The following KMT2C variants were observed in gnomAD, a reference collection of about 807,000 sequenced individuals.
The protein encoded by KMT2C is histone-lysine N-methyltransferase 2C.
Under a neutral mutation model 507.9 loss-of-function variants are expected in KMT2C, and 88 were observed. The observed-to-expected ratio is 0.17, with a 90% CI of 0.15 to 0.21. The LOEUF is 0.21. Ranked by LOEUF, KMT2C falls within the 10% of genes least tolerant of loss-of-function variation. The pLI is 1.00. For missense variants in KMT2C, 4,954 were observed against 5,957.8 expected (o/e 0.83, Z 5.55); for synonymous variants, 2,049 against 2,080.8 (o/e 0.98, Z 0.42).
rs368321777 is a variant in KMT2C, at chr7:152,151,398, C to T, written c.12666+44G>A. ...GAAGAGACACTGCCAAGGACATTTT[C>T]GCTGGAGGTAGGAGGTGGGGTCATA... On this transcript the variant is annotated intron_variant, in intron 50 of 58. Coordinates refer to ENST00000262189, the MANE Select transcript of KMT2C (RefSeq NM_170606.3). The T allele has an allele frequency of 2.2e-4, 350 of 1,602,618 alleles. 1 individual carries two copies. Among genetic ancestry groups the T allele is most frequent in the African/African-American group, 1.5e-3 (114 of 74,752 alleles).
At chr7:152,353,736 C>G (rs1405828001) in intron 2 of KMT2C, among the ~76,000 whole-genome samples, 2 of 152,132 alleles carry the variant, frequency 1.3e-5, no homozygotes, top group Non-Finnish European at 2.9e-5. Context: ...TGAGCTCAAG[C>G]AATCCACCCA....
At chr7:152,205,686 T>C (rs1178268740) in intron 24 of KMT2C, among the ~76,000 whole-genome samples, 2 of 152,174 alleles carry the variant, frequency 1.3e-5, no homozygotes, top group East Asian at 1.9e-4. Context: ...TATAACACCG[T>C]AGCACAATTA....
At chr7:152,358,076 A>C (rs1279184984) in intron 2 of KMT2C, among the ~76,000 whole-genome samples, 1 of 152,202 alleles carries the variant, frequency 6.6e-6, no homozygotes, top group East Asian at 1.9e-4. Flanking sequence ...GCTTTGGGCA[A>C]CCAACTCTAG....
intron 26 of KMT2C, among the ~76,000 whole-genome samples, chr7:152,201,487 T>G (rs2094139209): frequency 6.6e-6 from 1 of 151,794 alleles, no homozygotes; most frequent in African/African-American, 2.4e-5. Flanking sequence ...TAAAGAAAGC[T>G]TCTTAAATTT....
At chr7:152,160,917 G>C (rs895681599) in intron 43 of KMT2C, among the ~76,000 whole-genome samples, 1 of 152,080 alleles carries the variant, frequency 6.6e-6, no homozygotes, top group African/African-American at 2.4e-5. Context: ...GAGATTGGGA[G>C]AGGTGAGAAA....
At chr7:152,353,192 A>C (rs181606414) in intron 2 of KMT2C, among the ~76,000 whole-genome samples, 1 of 152,036 alleles carries the variant, frequency 6.6e-6, no homozygotes, top group Non-Finnish European at 1.5e-5. Context: ...TGGGATGCCA[A>C]GGCAGGTGGA....
In KMT2C at chr7:152,428,776, G is replaced by A. The variant is rs541011401; in HGVS notation, c.161+6850C>T. On this transcript the variant is annotated intron_variant, in intron 1 of 58. Coordinates refer to ENST00000262189, the MANE Select transcript of KMT2C (RefSeq NM_170606.3). ...CATAAGGACTCCTAGACTTCCCCAAGGCTGTTATTATTTCCCATTTTCTCC... is the reference window on the plus strand; with the variant it reads ...CATAAGGACTCCTAGACTTCCCCAAAGCTGTTATTATTTCCCATTTTCTCC... Among the ~76,000 whole-genome samples the A allele has an allele frequency of 2.6e-5, 4 of 152,218 alleles. No homozygotes were observed. The South Asian group carries it at 8.3e-4, about 32-fold the overall frequency.
In KMT2C at chr7:152,163,242, C is replaced by A. The variant is rs1000200932; in HGVS notation, c.10335G>T (p.Arg3445Ser). The A allele has an allele frequency of 1.9e-6, 3 of 1,614,140 alleles. No homozygotes were observed. Among genetic ancestry groups the A allele is most frequent in the Middle Eastern group, 3.3e-4 (2 of 6,062 alleles). Residue 3445 changes from arginine to serine, a missense_variant, in exon 43 of 59, where the codon AGG becomes AGT. Around this residue, in one of 29 missense-constraint regions of KMT2C, gnomAD observed 801 missense variants for 751.2 expected, o/e 1.07. Transcript: ENST00000262189. ...AGAAGGGAATCTGGGACACAGATGT[C>A]CTACTACTACTTATCTCAGAGCCCA... Reference protein sequence around the residue: ...GMVGSEISSSRTSVSQIPFYS... With the variant: ...GMVGSEISSSSTSVSQIPFYS...
rs201322783 is a variant in KMT2C, at chr7:152,194,121, G to A, written c.4548C>T (p.Gly1516=). Residue 1516 remains glycine (G), a synonymous_variant, in exon 31 of 59, where the codon GGC becomes GGT. Transcript: ENST00000262189. ...LGKLYKIPEL[G]GKDVEDLFTA... is the part of the protein sequence containing the mutation. ...TAAATAAGTCTTCAACATCTTTTCC[G>A]CCAAGCTCTAGGAGATAAAACAATA... The A allele has an allele frequency of 1.5e-5, 24 of 1,573,234 alleles. No individual in the cohort carries two copies. The highest frequency in any genetic ancestry group is 9.6e-5 in the African/African-American group (7 of 72,590).
intron 1 of KMT2C, chr7:152,367,000 C>T (rs1161296404): frequency 1.7e-6 from 1 of 574,858 alleles, no homozygotes; most frequent in Middle Eastern, 4.8e-4. Flanking sequence ...CGGCCGCACC[C>T]TTGCCTCACC....
At position 152,182,030 on chromosome 7, in the gene KMT2C, T is replaced by A. The variant is rs748650886; in HGVS notation, c.5830A>T (p.Asn1944Tyr). 99 of 1,614,030 alleles carry A rather than the reference T, an allele frequency of 6.1e-5. No individual in the cohort carries two copies. The highest frequency in any genetic ancestry group is 8.1e-5 in the Non-Finnish European group (96 of 1,180,020). ...AAATCTCTGACAGGGGATGGCCTATTTGCTGTTGTCTCATTCATTTGAAGG... is the reference window on the plus strand; with the variant it reads ...AAATCTCTGACAGGGGATGGCCTATATGCTGTTGTCTCATTCATTTGAAGG... ...RPLQMNETTA[N>Y]RPSPVRDLCS... The change falls in exon 36 of 59, where the codon AAT becomes TAT. Residue 1944 changes from asparagine to tyrosine, a missense_variant. Around this residue, in one of 29 missense-constraint regions of KMT2C, gnomAD observed 1,689 missense variants for 1,654.3 expected, o/e 1.02. Transcript: ENST00000262189.
intron 2 of KMT2C, among the ~76,000 whole-genome samples, chr7:152,352,018 G>A (rs551363926): frequency 2.6e-5 from 4 of 151,886 alleles, no homozygotes; most frequent in East Asian, 1.9e-4. Context: ...CTGGTGAGCC[G>A]GGCAGAACAG....
chr7:152,432,967 T>A (rs1328489799), intron 1 of KMT2C, among the ~76,000 whole-genome samples: 1 of 152,016 alleles, frequency 6.6e-6, no homozygotes, highest in East Asian at 1.9e-4. Context: ...GCCAACATGG[T>A]GAAACCCTGT....
Position 152,173,999 on chromosome 7 carries a change from C to T in KMT2C, c.9374+132G>A, listed in dbSNP as rs542733915. 180 of 518,360 alleles carry T rather than the reference C, an allele frequency of 3.5e-4. 1 individual carries two copies. In the South Asian group the frequency reaches 5.7e-3, roughly 16 times the overall value. 32.1% of individuals were successfully genotyped at this position (518,360 alleles called of 1,614,324 possible). A position where few individuals can be genotyped will look rare whatever the true frequency, so the allele number is the denominator to read the frequency against. ...TGTATCTGATCATATCGAGCTGATG[C>T]CATGACAACTTAAATAGTGTTGTTC... On this transcript the variant is annotated intron_variant, in intron 39 of 58. Coordinates refer to ENST00000262189, the MANE Select transcript of KMT2C (RefSeq NM_170606.3).
At chr7:152,186,715 G>A (rs771445837) in intron 33 of KMT2C, among the ~76,000 whole-genome samples, 73 of 152,122 alleles carry the variant, frequency 4.8e-4, no homozygotes, top group South Asian at 1.2e-3. Context: ...TAATAAAACC[G>A]CATTGCTTGC....
chr7:152,409,626 G>C (rs1440708562), intron 1 of KMT2C, among the ~76,000 whole-genome samples: 7 of 152,006 alleles, frequency 4.6e-5, no homozygotes, highest in African/African-American at 1.7e-4. Flanking sequence ...AGCTTCTTGG[G>C]AGGCTGAGGC....
chr7:152,272,790 T>C (rs148549720), intron 7 of KMT2C, among the ~76,000 whole-genome samples: 1,674 of 152,304 alleles, frequency 0.011, 39 homozygotes, highest in Admixed American at 0.06. Context: ...GTAATGATCA[T>C]GTAGACTAAC....
chr7:152,139,308 CCT>C (rs554772108), intron 56 of KMT2C, 49 bp from the exon 57 acceptor site: 67 of 1,533,612 alleles, frequency 4.4e-5, no homozygotes, highest in African/African-American at 1.4e-4. Flanking sequence ...CTGAAACTCC[CCT>C]CTGTGTTCCT....
intron 26 of KMT2C, among the ~76,000 whole-genome samples, chr7:152,202,619 G>A (rs1359576198): frequency 6.6e-6 from 1 of 152,140 alleles, no homozygotes; most frequent in Non-Finnish European, 1.5e-5. Flanking sequence ...ACTTGGGTGT[G>A]GGGTATACAT....
Sources: gnomAD v4.1 joint callset for allele counts (sites outside exome capture counted in the v4.1 genomes callset) on GRCh38, gnomAD v4.1.1 for gene constraint, gnomAD v4.1.1 regional missense constraint, MANE v1.5 for transcripts, NCBI Gene and HGNC (gene_info 2026-07-23, HGNC 2026-07-21) for gene names.